Variants in NRXN3 observed in about 807,000 individuals in gnomAD.
The protein encoded by NRXN3 is neurexin III.
In NRXN3, 32 loss-of-function variants were observed where a neutral mutation model predicts 137.6. The observed-to-expected ratio is 0.23, with a 90% confidence interval of 0.18 to 0.31. The LOEUF is 0.31. NRXN3 is among the 10% of genes least tolerant of loss of function. The probability of loss-of-function intolerance (pLI) is 1.00; values close to 1 mark genes in which losing one functional copy is unlikely to be tolerated. For synonymous variants in NRXN3, 798 were observed against 784.5 expected (o/e 1.02, Z -0.29); for missense variants, 1,574 against 2,062.5 (o/e 0.76, Z 4.59).
intron 10 of NRXN3, among the ~76,000 whole-genome samples, chr14:78,936,718 T>C (rs2099340625): frequency 6.6e-6 from 1 of 152,212 alleles, no homozygotes; most frequent in Non-Finnish European, 1.5e-5. Flanking sequence ...ATGGAAAACA[T>C]TCAGCATCCA....
chr14:78,732,048 A>T (rs2098518609), intron 8 of NRXN3, among the ~76,000 whole-genome samples: 1 of 58,320 alleles, frequency 1.7e-5, no homozygotes, highest in African/African-American at 5.1e-5. Flanking sequence ...TAACTCCCTC[A>T]TTACTACATT....
rs141296656 is a variant in NRXN3, at chr14:79,406,460, C to T, written c.3263-60761C>T. ...GGGATCACAGTTGCATGCCACAGTGCCTGGCTAATTTTTTTTTCTCTTTTG... is the reference window on the plus strand; with the variant it reads ...GGGATCACAGTTGCATGCCACAGTGTCTGGCTAATTTTTTTTTCTCTTTTG... On this transcript the variant is annotated intron_variant, in intron 15 of 20. Transcript: ENST00000335750. Among the ~76,000 whole-genome samples, 202 of 151,896 alleles carry T rather than the reference C, an allele frequency of 1.3e-3. 1 individual carries two copies. The highest frequency in any genetic ancestry group is 4.6e-3 in the African/African-American group (190 of 41,440).
intron 15 of NRXN3, among the ~76,000 whole-genome samples, chr14:79,228,819 A>G (rs2071572911): frequency 6.6e-6 from 1 of 152,312 alleles, no homozygotes; most frequent in Admixed American, 6.5e-5. Flanking sequence ...AAATGTAAAT[A>G]TACTGTATTT....
intron 2 of NRXN3, among the ~76,000 whole-genome samples, chr14:78,275,299 A>G (rs4903734): frequency 0.15 from 23,405 of 152,214 alleles, 1,883 homozygotes; most frequent in East Asian, 0.23. Flanking sequence ...TTTAAAGCAG[A>G]GTTCAGCCTA....
intron 8 of NRXN3, among the ~76,000 whole-genome samples, chr14:78,737,320 A>G (rs1173846282): frequency 6.6e-6 from 1 of 152,148 alleles, no homozygotes; most frequent in African/African-American, 2.4e-5. Flanking sequence ...AGGTACCAGT[A>G]GGGGTCCAAA....
chr14:79,496,902 G>A (rs1329199878), intron 16 of NRXN3, among the ~76,000 whole-genome samples: 1 of 152,176 alleles, frequency 6.6e-6, no homozygotes, highest in Non-Finnish European at 1.5e-5. Context: ...AATAGCAGTG[G>A]ATATGAATTG....
chr14:78,236,463 C>G (rs1034317254), intron 1 of NRXN3, among the ~76,000 whole-genome samples: 3 of 152,158 alleles, frequency 2.0e-5, no homozygotes, highest in Non-Finnish European at 2.9e-5. Flanking sequence ...TACAATTTAT[C>G]CACTCTACTG....
At chr14:79,703,747 A>T (rs574721942) in intron 19 of NRXN3, among the ~76,000 whole-genome samples, 1 of 152,222 alleles carries the variant, frequency 6.6e-6, no homozygotes, top group East Asian at 1.9e-4. Context: ...ATCTCTGGGC[A>T]GGTGATTAGC....
chr14:79,418,679 A>T (rs1031197446), intron 15 of NRXN3, among the ~76,000 whole-genome samples: 1 of 152,220 alleles, frequency 6.6e-6, no homozygotes, highest in South Asian at 2.1e-4. Flanking sequence ...ATCAGAGCCT[A>T]TACTCTTAAG....
At chr14:78,356,447 C>T (rs1313995076) in intron 4 of NRXN3, among the ~76,000 whole-genome samples, 1 of 152,246 alleles carries the variant, frequency 6.6e-6, no homozygotes, top group African/African-American at 2.4e-5. Context: ...AAACTTGGGA[C>T]TCCTCCCAGG....
At chr14:78,661,925 T>C (rs1250698496) in intron 6 of NRXN3, among the ~76,000 whole-genome samples, 1 of 151,632 alleles carries the variant, frequency 6.6e-6, no homozygotes, top group Non-Finnish European at 1.5e-5. Flanking sequence ...TGTCTTGCTC[T>C]GTCGTCCAGG....
At chr14:79,226,767 ATTTCAGCTATAT>A (rs1459080717) in intron 15 of NRXN3, among the ~76,000 whole-genome samples, 4 of 145,582 alleles carry the variant, frequency 2.7e-5, no homozygotes, top group South Asian at 4.3e-4. Context: ...TCCAATGCAG[ATTTCAGCTATAT>A]TTTGGCTTTA....
intron 15 of NRXN3, among the ~76,000 whole-genome samples, chr14:78,996,477 C>T (rs116783012): frequency 0.013 from 1,909 of 152,258 alleles, 32 homozygotes; most frequent in South Asian, 0.04. Flanking sequence ...CATCTGAATT[C>T]ATAGGGGTTT....
chr14:78,599,507 A>G (rs532235864), intron 4 of NRXN3, among the ~76,000 whole-genome samples: 2 of 152,340 alleles, frequency 1.3e-5, no homozygotes, highest in East Asian at 3.9e-4. Context: ...CGTTACATAG[A>G]TAGTTCTACA....
intron 16 of NRXN3, among the ~76,000 whole-genome samples, chr14:79,486,014 A>ATTATTG (rs1188570427): frequency 1.3e-5 from 2 of 151,998 alleles, no homozygotes; most frequent in Admixed American, 6.5e-5. Context: ...TTAAATCTGT[A>ATTATTG]TTATTGTTAT....
At chr14:78,597,950 G>A (rs1046388906) in intron 4 of NRXN3, among the ~76,000 whole-genome samples, 1 of 152,124 alleles carries the variant, frequency 6.6e-6, no homozygotes, top group Non-Finnish European at 1.5e-5. Context: ...GCACCATCAG[G>A]ATTAAAAGCA....
chr14:79,427,475 A>G (rs1221682420), intron 15 of NRXN3, among the ~76,000 whole-genome samples: 3 of 152,124 alleles, frequency 2.0e-5, no homozygotes, highest in Admixed American at 6.5e-5. Context: ...CACAACACAC[A>G]CAAAATTGTT....
At chr14:79,753,185 A>G (rs2099004848) in intron 19 of NRXN3, among the ~76,000 whole-genome samples, 1 of 152,114 alleles carries the variant, frequency 6.6e-6, no homozygotes, top group Non-Finnish European at 1.5e-5. Flanking sequence ...ACCAAGAACT[A>G]GAAATACCAT....
chr14:79,101,829 GTATTGTGGGTCCTCAATCCAA>G (rs1232794292), intron 15 of NRXN3, among the ~76,000 whole-genome samples: 1 of 152,150 alleles, frequency 6.6e-6, no homozygotes, highest in Admixed American at 6.5e-5. Flanking sequence ...AAGATGGAGA[GTATTGTGGGTCCTCAATCCAA>G]TATGACTGGT....
Sources: gnomAD v4.1 joint callset for allele counts (sites outside exome capture counted in the v4.1 genomes callset) on GRCh38, gnomAD v4.1.1 for gene constraint, MANE v1.5 for transcripts, NCBI Gene and HGNC (gene_info 2026-07-23, HGNC 2026-07-21) for gene names.